ATAD3B: variants seen among roughly 807,000 people sequenced by gnomAD.
ATAD3B encodes ATPase family AAA domain containing 3B, also known as ATPase family AAA domain-containing protein 3B.
Under a neutral mutation model 70.2 loss-of-function variants are expected in ATAD3B, and 59 were observed. That is an observed-to-expected ratio of 0.84 (90% CI 0.68 to 1.04). The LOEUF is 1.04. Ranked by LOEUF, ATAD3B falls within the 50% of genes least tolerant of loss-of-function variation. The probability of loss-of-function intolerance (pLI) is 0.00; values close to 1 mark genes in which losing one functional copy is unlikely to be tolerated. For missense variants in ATAD3B, 961 were observed against 913.4 expected, an observed-to-expected ratio of 1.05 and a Z score of -0.67; for synonymous variants, 423 against 388.6, an observed-to-expected ratio of 1.09 and a Z score of -1.04.
the ATAD3B span, among the ~76,000 whole-genome samples, chr1:1,506,379 C>T: frequency 1.3e-5 from 2 of 151,384 alleles, no homozygotes; most frequent in East Asian, 1.9e-4. Context: ...ATTGCCTTGA[C>T]GTCTCTTAGC....
Position 1,480,940 on chromosome 1 carries a change from G to A in ATAD3B, c.514+4G>A, listed in dbSNP as rs556900803. The A allele has an allele frequency of 1.8e-5, 29 of 1,591,460 alleles. 3 individuals carry two copies. The highest frequency in any genetic ancestry group is 1.6e-4 in the East Asian group (7 of 43,016). ...AAGCAGGAAGCCATGCGGCGAGGTA[G>A]GCTGTCTGCTCTCCTGGCTGGGGCG... On this transcript the variant is annotated splice_donor_region_variant and intron_variant, in intron 5 of 15. Transcript: ENST00000673477.
At position 1,497,179 on chromosome 1, in the gene ATAD3B, TTCTC is replaced by T. The variant is rs1204040000; in HGVS notation, c.*1368_*1371del. 1.3e-5 allele frequency: 2 copies of T among 151,048 alleles called. No individual in the cohort carries two copies. The highest frequency in any genetic ancestry group is 5.0e-5 in the African/African-American group (2 of 40,252). The allele number at this position is 151,048 out of a possible 1,614,324, so 9.4% of individuals were successfully genotyped here. On this transcript the variant is annotated 3_prime_UTR_variant, in exon 16 of 16. Transcript: ENST00000673477. The stretch of plus-strand genomic sequence containing the variant: ...GTCTACCTCTGCTCGCTCTCTCCAT[TTCTC>T]TCTCTACCTCTGCTCGCTCTCTCCA...
chr1:1,482,959 C>G (rs1570232615), intron 7 of ATAD3B: 2 of 485,086 alleles, frequency 4.1e-6, no homozygotes, highest in South Asian at 3.1e-5. Context: ...CAACATTGCA[C>G]CACTGCACTC....
At chr1:1,489,832 G>C (rs1185249232) in intron 13 of ATAD3B, 1 of 1,243,226 alleles carries the variant, frequency 8.0e-7, no homozygotes, top group African/African-American at 1.6e-5. Context: ...GAGAGGCAAG[G>C]CTGGGGCCCT....
intron 12 of ATAD3B, among the ~76,000 whole-genome samples, 187 bp from the exon 13 acceptor site, chr1:1,489,017 C>T (rs1412349918): frequency 2.0e-5 from 3 of 151,892 alleles, no homozygotes; most frequent in Non-Finnish European, 4.4e-5. Flanking sequence ...CCTGCCTCAG[C>T]CTCCCAAAAT....
In ATAD3B at chr1:1,482,142, C is replaced by T. The variant is rs148963889; in HGVS notation, c.519C>T (p.Thr173=). 3.5e-4 allele frequency: 557 copies of T among 1,607,876 alleles called. 10 individuals are homozygous for T. In the African/African-American group the frequency reaches 6.5e-3, roughly 19 times the overall value. ...TGCCCTGCCTCTCTGGGGCAGCCAC[C>T]GTGGAGCGGGAGATGGAGCTGCGGC... ...VQKQEAMRRA[T]VEREMELRHK... Residue 173 remains threonine, a synonymous_variant, in exon 6 of 16, where the codon ACC becomes ACT. Transcript: ENST00000673477.
downstream of ATAD3B, among the ~76,000 whole-genome samples, chr1:1,498,502 A>T (rs1640857979): frequency 6.7e-6 from 1 of 148,558 alleles, no homozygotes; most frequent in African/African-American, 2.5e-5. Flanking sequence ...ACCCTTGATG[A>T]TGGCCATGGC....
chr1:1,482,111 C>T, intron 5 of ATAD3B, 27 bp from the exon 6 acceptor site: 1 of 1,598,614 alleles, frequency 6.3e-7, no homozygotes, highest in South Asian at 1.1e-5. Context: ...CTGCATGGTG[C>T]TGAGCTGCCC....
intron 7 of ATAD3B, chr1:1,482,844 G>A (rs1223487579): frequency 1.1e-5 from 7 of 641,288 alleles, no homozygotes; most frequent in African/African-American, 5.5e-5. Context: ...TCTCTACGAA[G>A]AATAAAACAT....
intron 10 of ATAD3B, 132 bp downstream of exon 10, chr1:1,486,367 G>A (rs1290760022): frequency 6.3e-7 from 1 of 1,580,538 alleles, no homozygotes; most frequent in Non-Finnish European, 8.6e-7. Context: ...TAGGCTCAGG[G>A]TGCTGGTGTG....
intron 6 of ATAD3B, 115 bp downstream of exon 6, chr1:1,482,418 G>T (rs1222091733): frequency 2.5e-6 from 4 of 1,585,562 alleles, no homozygotes; most frequent in Non-Finnish European, 3.4e-6. Flanking sequence ...TGACTCCTTG[G>T]TGGGGGCACT....
chr1:1,490,807 CAG>C, intron 15 of ATAD3B, 136 bp downstream of exon 15: 9 of 1,471,174 alleles, frequency 6.1e-6, no homozygotes, highest in Non-Finnish European at 8.1e-6. Flanking sequence ...AGACGTGACA[CAG>C]GGCCCCCTGC....
At chr1:1,499,323 G>T (rs1184056547), downstream of ATAD3B, among the ~76,000 whole-genome samples, 6 of 118,820 alleles carry the variant, frequency 5.0e-5, no homozygotes, top group African/African-American at 6.8e-5. Context: ...TGTAACTTCT[G>T]CCTCTTGGGT....
At position 1,479,547 on chromosome 1, in the gene ATAD3B, G is replaced by A. The variant is rs1430528333; in HGVS notation, c.444+439G>A. 8.4e-5 allele frequency among the ~76,000 whole-genome samples: 11 copies of A among 131,014 alleles called. 1 individual carries two copies. Among genetic ancestry groups the A allele is most frequent in the Non-Finnish European group, 1.8e-4 (11 of 61,878 alleles). 86.0% of individuals were successfully genotyped at this position (131,014 alleles called of 152,430 possible). On this transcript the variant is annotated intron_variant, in intron 4 of 15. Coordinates refer to ENST00000673477, the MANE Select transcript of ATAD3B (RefSeq NM_031921.6). ...ACACACCCCCACACAACACGGGCAC[G>A]CACACACACACCCCGCCACAACACA...
At position 1,489,265 on chromosome 1, in the gene ATAD3B, A is replaced by G; in HGVS notation, c.1328A>G (p.His443Arg). Residue 443 changes from histidine (H) to arginine (R), a missense_variant, in exon 13 of 16, where the codon CAC becomes CGC. By Grantham distance (29) the His-to-Arg change is conservative. Coordinates refer to ENST00000673477, the MANE Select transcript of ATAD3B (RefSeq NM_031921.6). Reference sequence around the variant, plus strand: ...GCCTTCCTGTACCACATGGGCCAACACAGCAACAAGTGAGGGAGCCCCTCG... The same window carrying G: ...GCCTTCCTGTACCACATGGGCCAACGCAGCAACAAGTGAGGGAGCCCCTCG... The part of the protein sequence containing the change: ...LNAFLYHMGQ[H>R]SNKFMLVLAS... The G allele has an allele frequency of 1.2e-6, 2 of 1,613,534 alleles. No homozygotes were observed. The highest frequency in any genetic ancestry group is 2.2e-5 in the East Asian group (1 of 44,874).
chr1:1,489,995 G>A (rs571848127), intron 13 of ATAD3B: 2 of 1,325,136 alleles, frequency 1.5e-6, no homozygotes, highest in African/African-American at 1.5e-5. Context: ...TGCCTATCAG[G>A]CTGGGCGAGG....
At position 1,477,403 on chromosome 1, in the gene ATAD3B, G is replaced by A. The variant is rs919861152; in HGVS notation, c.282+53G>A. On this transcript the variant is annotated intron_variant, in intron 2 of 15. Transcript: ENST00000673477. The stretch of plus-strand genomic sequence containing the variant: ...GCCGGGGCGCACATGGGGTTCAGGC[G>A]TGGAGATTGGTGGGGCTGCTACTGG... 39 of 1,609,028 alleles carry A rather than the reference G, an allele frequency of 2.4e-5. 2 individuals carry two copies. Among genetic ancestry groups the A allele is most frequent in the Non-Finnish European group, 2.9e-5 (34 of 1,177,990 alleles).
In ATAD3B at chr1:1,490,426, T is replaced by A. The variant is rs1640476843; in HGVS notation, c.1505+2T>A. The A allele has an allele frequency of 6.2e-7, 1 of 1,612,972 alleles. No individual in the cohort carries two copies. Among genetic ancestry groups the A allele is most frequent in the South Asian group, 1.1e-5 (1 of 91,014 alleles). ...TAAGCCGGCCACAGAAGGAAAACGGTGAGTGTCCCGCCTCACCCGGCCCCC... is the reference window on the plus strand; with the variant it reads ...TAAGCCGGCCACAGAAGGAAAACGGAGAGTGTCCCGCCTCACCCGGCCCCC... On this transcript the variant is annotated splice_donor_variant, in intron 14 of 15. Transcript: ENST00000673477. LOFTEE classifies it high-confidence loss of function.
intron 1 of ATAD3B, among the ~76,000 whole-genome samples, chr1:1,474,657 A>T (rs1435976411): frequency 6.6e-6 from 1 of 151,684 alleles, no homozygotes; most frequent in African/African-American, 2.4e-5. Flanking sequence ...CCGCCAGCAC[A>T]CCTGGCTAAT....
Sources: allele counts gnomAD v4.1 joint callset (sites outside exome capture counted in the v4.1 genomes callset), GRCh38; gene constraint gnomAD v4.1.1; transcripts MANE v1.5; gene names NCBI Gene and HGNC (gene_info 2026-07-23, HGNC 2026-07-21).